Variants in TP73 observed in about 807,000 individuals in gnomAD.
The protein encoded by TP73 is p53-like transcription factor.
TP73 carries 25 observed loss-of-function variants against 62.5 expected under a neutral mutation model. The observed-to-expected ratio is 0.40, with a 90% CI of 0.29 to 0.56. The LOEUF (loss-of-function observed/expected upper bound fraction) is 0.56, where lower values mean the gene tolerates loss of function less well. Ranked by LOEUF, TP73 falls within the 20% of genes least tolerant of loss-of-function variation. The pLI, the probability that TP73 is intolerant of heterozygous loss-of-function variation, is 0.46. For synonymous variants in TP73, 423 were observed against 377.5 expected (o/e 1.12, Z -1.40); for missense variants, 754 against 913.3 (o/e 0.83, Z 2.25).
At chr1:3,685,257 C>T (rs935550221) in intron 3 of TP73, among the ~76,000 whole-genome samples, 1 of 152,180 alleles carries the variant, frequency 6.6e-6, no homozygotes, top group Non-Finnish European at 1.5e-5. Context: ...TGCTTGTCCT[C>T]CCCAGCCCCG....
At chr1:3,692,064 G>T (rs560841998) in intron 3 of TP73, among the ~76,000 whole-genome samples, 10 of 152,178 alleles carry the variant, frequency 6.6e-5, no homozygotes, top group Non-Finnish European at 1.2e-4. Context: ...GTATGTTATG[G>T]GTGTGTGTAC....
chr1:3,659,286 T>C (rs977873182), intron 1 of TP73: 1 of 152,108 alleles, frequency 6.6e-6, no homozygotes, highest in African/African-American at 2.4e-5. Flanking sequence ...CTTCTGCGGT[T>C]TGGTCTCTGG....
At chr1:3,675,994 GGGGGT>G (rs1645356788) in intron 1 of TP73, among the ~76,000 whole-genome samples, 2 of 152,070 alleles carry the variant, frequency 1.3e-5, no homozygotes, top group African/African-American at 4.8e-5. Context: ...AGGGCAGGAA[GGGGGT>G]GGTAGACAAA....
chr1:3,712,942 G>T (rs1288702869), intron 4 of TP73, among the ~76,000 whole-genome samples: 2 of 143,218 alleles, frequency 1.4e-5, no homozygotes, highest in Non-Finnish European at 3.2e-5. Context: ...CCTGCCCCCT[G>T]CCCCACCCTC....
In TP73 at chr1:3,672,877, C is replaced by G. The variant is rs1020712918; in HGVS notation, c.-33-9456C>G. On this transcript the variant is annotated intron_variant, in intron 1 of 13. Transcript: ENST00000378295. The surrounding 1 kb of genome is among the most constrained non-coding windows in gnomAD (Gnocchi z 5.3). ...AGGAAGCTCAGCCCATCAGGCCGCT[C>G]ATGCTTCTGACCCCACCTCCAAACC... Among the ~76,000 whole-genome samples the G allele has an allele frequency of 2.6e-5, 4 of 152,114 alleles. No individual in the cohort carries two copies. The highest frequency in any genetic ancestry group is 6.5e-5 in the Admixed American group (1 of 15,270).
chr1:3,704,260 C>G (rs1230991594), intron 3 of TP73, among the ~76,000 whole-genome samples: 1 of 152,216 alleles, frequency 6.6e-6, no homozygotes, highest in Non-Finnish European at 1.5e-5. Flanking sequence ...TGTATTCACC[C>G]GTAACTGTGA....
intron 1 of TP73, among the ~76,000 whole-genome samples, chr1:3,665,000 ACT>A (rs1645079239): frequency 6.6e-6 from 1 of 152,236 alleles, no homozygotes; most frequent in African/African-American, 2.4e-5. Flanking sequence ...CAGAGGAAAG[ACT>A]CTGCGGTCTT....
At chr1:3,712,320 C>G (rs991002476) in intron 4 of TP73, 3 of 152,214 alleles carry the variant, frequency 2.0e-5, no homozygotes, top group African/African-American at 7.2e-5. Context: ...GCAGCAGGGA[C>G]GGAGCTTCCA....
Position 3,730,945 on chromosome 1 carries a change from AC to A in TP73, c.1366del (p.His456MetfsTer11), listed in dbSNP as rs1642089176. 6.2e-7 allele frequency: 1 copy of A among 1,608,622 alleles called. No individual in the cohort carries two copies. The highest frequency in any genetic ancestry group is 1.3e-5 in the African/African-American group (1 of 74,710). On this transcript the variant is annotated frameshift_variant, in exon 12 of 14. Coordinates refer to ENST00000378295, the MANE Select transcript of TP73 (RefSeq NM_005427.4). LOFTEE classifies it high-confidence loss of function. ...CACCCAGGCCCCGGGATGCTCAACA[AC>A]CATGGCCACGCAGTGCCAGCCAACG... The part of the protein sequence containing the change: ...LGPVGPGMLN[N>X]HGHAVPANGE...
chr1:3,732,894 G>C lies in TP73; in HGVS notation c.1726G>C (p.Glu576Gln). The C allele has an allele frequency of 6.2e-7, 1 of 1,611,368 alleles. No individual in the cohort carries two copies. Residue 576 changes from glutamate (E) to glutamine (Q), a missense_variant, in exon 14 of 14, where the codon GAA becomes CAA. Glu to Gln is a conservative substitution (Grantham distance 29). Transcript: ENST00000378295. ...CACCATCTCCATCGGCGGCTCAGGG[G>C]AACTGCAGCGCCAGCGGGTCATGGA... is the stretch of plus-strand genomic sequence containing the variant. ...AATISIGGSG[E>Q]LQRQRVMEAV...
chr1:3,701,429 T>G lies in TP73; in HGVS notation c.187-6120T>G, dbSNP rs915958705. Reference sequence around the variant, plus strand: ...GGAGGGCTCCCGGGCGAGAGTCACTTCCGATGAAGTCTCAGGTTACCATAC... The same window carrying G: ...GGAGGGCTCCCGGGCGAGAGTCACTGCCGATGAAGTCTCAGGTTACCATAC... On this transcript the variant is annotated intron_variant, in intron 3 of 13. Transcript: ENST00000378295. The surrounding 1 kb of genome is among the most constrained non-coding windows in gnomAD (Gnocchi z 4.7). 3.3e-5 allele frequency among the ~76,000 whole-genome samples: 5 copies of G among 152,112 alleles called. No individual in the cohort carries two copies. Among genetic ancestry groups the G allele is most frequent in the African/African-American group, 1.2e-4 (5 of 41,400 alleles).
intron 3 of TP73, among the ~76,000 whole-genome samples, chr1:3,687,375 G>A: frequency 6.6e-6 from 1 of 152,200 alleles, no homozygotes; most frequent in East Asian, 1.9e-4. Context: ...ACACCGTCTG[G>A]GAAGAGCTGC....
rs1218622068 is a variant in TP73 at position 3,728,275 on chromosome 1, G to A, written c.1074+58G>A. The stretch of plus-strand genomic sequence containing the variant: ...ACCTGCCTCACCTCTGTCGTCTGCT[G>A]AGCCCAGGCTGGGCCATGGGGAGGG... On this transcript the variant is annotated intron_variant, in intron 9 of 13. Transcript: ENST00000378295. 1.9e-6 allele frequency: 3 copies of A among 1,568,128 alleles called. No homozygotes were observed. The Admixed American group carries it at 5.1e-5, about 27-fold the overall frequency.
intron 3 of TP73, among the ~76,000 whole-genome samples, chr1:3,690,068 T>C (rs1388443174): frequency 1.3e-5 from 2 of 152,020 alleles, no homozygotes; most frequent in Non-Finnish European, 2.9e-5. Flanking sequence ...TGCCGGGCTG[T>C]TCTTTGGCAA....
chr1:3,721,922 G>T, intron 4 of TP73, 99 bp from the exon 5 acceptor site: 1 of 1,282,190 alleles, frequency 7.8e-7, no homozygotes, highest in East Asian at 2.5e-5. Flanking sequence ...GTTGTGGAAG[G>T]GGCACCCATG....
intron 6 of TP73, among the ~76,000 whole-genome samples, chr1:3,726,049 AGTGG>A (rs1214748398): frequency 9.9e-4 from 9 of 9,060 alleles, no homozygotes; most frequent in East Asian, 4.0e-3. Context: ...GGATGGATGG[AGTGG>A]GTGGGTGGGT....
In TP73 at chr1:3,696,725, C is replaced by A. The variant is rs1453569879; in HGVS notation, c.187-10824C>A. 2.6e-5 allele frequency among the ~76,000 whole-genome samples: 4 copies of A among 152,068 alleles called. No individual in the cohort carries two copies. Among genetic ancestry groups the A allele is most frequent in the Non-Finnish European group, 5.9e-5 (4 of 68,000 alleles). ...ATTGCTGAGCATGGCCAAGGGAGCC[C>A]TCAGCATCCTCTCCAGGCCTTGTGT... On this transcript the variant is annotated intron_variant, in intron 3 of 13. Transcript: ENST00000378295. This position sits in a 1 kb window ranked among gnomAD's most constrained non-coding sequence, Gnocchi z 4.1.
intron 1 of TP73, chr1:3,659,031 G>A (rs1644931153): frequency 6.6e-6 from 1 of 152,056 alleles, no homozygotes; most frequent in Non-Finnish European, 1.5e-5. Context: ...GCGTATTCTG[G>A]TCTCCTACAG....
At chr1:3,688,776 C>T (rs1181487426) in intron 3 of TP73, among the ~76,000 whole-genome samples, 1 of 152,170 alleles carries the variant, frequency 6.6e-6, no homozygotes, top group Non-Finnish European at 1.5e-5. Context: ...GCAGCCTGGC[C>T]CAGATGCTAA....
Sources: gnomAD v4.1 joint callset for allele counts (sites outside exome capture counted in the v4.1 genomes callset) on GRCh38, gnomAD v4.1.1 for gene constraint, Gnocchi (gnomAD v3.1) non-coding constraint, MANE v1.5 for transcripts, NCBI Gene and HGNC (gene_info 2026-07-23, HGNC 2026-07-21) for gene names.